MED28: variants seen among roughly 807,000 people sequenced by gnomAD.
The protein encoded by MED28 is mediator complex subunit 28.
MED28 carries 26 observed loss-of-function variants against 21.3 expected under a neutral mutation model. That is an observed-to-expected ratio of 1.22 (90% CI 0.89 to 1.69). MED28 has a LOEUF of 1.69. Ranked by LOEUF, MED28 falls within the 40% of genes most tolerant of loss-of-function variation. The pLI, the probability that MED28 is intolerant of heterozygous loss-of-function variation, is 0.00. For synonymous variants in MED28, 110 were observed against 87.6 expected (o/e 1.26, Z -1.43); for missense variants, 257 against 215.4 (o/e 1.19, Z -1.21).
chr4:17,628,280 G>GTGTGTGTGTGTA lies in MED28; in HGVS notation c.*4488_*4499dup, dbSNP rs1459853511. The GTGTGTGTGTGTA allele has an allele frequency of 6.6e-6, 1 of 151,348 alleles. No individual in the cohort carries two copies. Among genetic ancestry groups the GTGTGTGTGTGTA allele is most frequent in the African/African-American group, 2.5e-5 (1 of 40,684 alleles). 9.4% of individuals were successfully genotyped at this position (151,348 alleles called of 1,614,324 possible). The stretch of plus-strand genomic sequence containing the variant: ...CGTGTGTGTGTGTGTGTGTGTGTGT[G>GTGTGTGTGTGTA]TGTGTGTGTGTATGTGTATATGCGT... On this transcript the variant is annotated 3_prime_UTR_variant, in exon 4 of 4. Transcript: ENST00000237380.
At position 17,631,911 on chromosome 4, in the gene MED28, G is replaced by A. The variant is rs1428528515; in HGVS notation, c.*8113G>A. On this transcript the variant is annotated 3_prime_UTR_variant, in exon 4 of 4. Coordinates refer to ENST00000237380, the MANE Select transcript of MED28 (RefSeq NM_025205.5). ...ACAACCACTTTTGAAATAGATCATGGAAATCACAAAGTCTGATGTTCCACA... is the reference window on the plus strand; with the variant it reads ...ACAACCACTTTTGAAATAGATCATGAAAATCACAAAGTCTGATGTTCCACA... 6.6e-6 allele frequency: 1 copy of A among 152,086 alleles called. No homozygotes were observed. Among genetic ancestry groups the A allele is most frequent in the Non-Finnish European group, 1.5e-5 (1 of 68,030 alleles). 9.4% of individuals were successfully genotyped at this position (152,086 alleles called of 1,614,324 possible).
chr4:17,614,696 C>T lies in MED28; in HGVS notation c.42C>T (p.Pro14=), dbSNP rs377722370. ...PLGGMFSGQP[P]GPPQAPPGLP... ...GGGGTATGTTTTCTGGGCAGCCACC[C>T]GGTCCCCCTCAGGCCCCGCCGGGCC... The change falls in exon 1 of 4, where the codon CCC becomes CCT. Residue 14 remains proline (P), a synonymous_variant. Coordinates refer to ENST00000237380, the MANE Select transcript of MED28 (RefSeq NM_025205.5). The T allele has an allele frequency of 3.4e-5, 55 of 1,614,024 alleles. No homozygotes were observed. The highest frequency in any genetic ancestry group is 4.5e-5 in the East Asian group (2 of 44,886).
rs1435293014 is a variant in MED28 at position 17,626,681 on chromosome 4, T to G, written c.*2883T>G. 6.6e-6 allele frequency: 1 copy of G among 152,250 alleles called. No individual in the cohort carries two copies. Among genetic ancestry groups the G allele is most frequent in the Non-Finnish European group, 1.5e-5 (1 of 68,138 alleles). The allele number at this position is 152,250 out of a possible 1,614,324, so 9.4% of individuals were successfully genotyped here. On this transcript the variant is annotated 3_prime_UTR_variant, in exon 4 of 4. Coordinates refer to ENST00000237380, the MANE Select transcript of MED28 (RefSeq NM_025205.5). ...CTACTCACATCTTCAGGACAGCCTTTTTTTTTTGAGACAGGAGTCTTGCTC... is the reference window on the plus strand; with the variant it reads ...CTACTCACATCTTCAGGACAGCCTTGTTTTTTTGAGACAGGAGTCTTGCTC...
Position 17,632,509 on chromosome 4 carries a change from T to C in MED28, c.*8711T>C. On this transcript the variant is annotated 3_prime_UTR_variant, in exon 4 of 4. Transcript: ENST00000237380. ...AAATAAATGTTTTTCAAGTATCCTC[T>C]GTGATGTATCCCAAAGGTTAGCTTA... 1 of 1,513,946 alleles carries C rather than the reference T, an allele frequency of 6.6e-7. No individual in the cohort carries two copies. The highest frequency in any genetic ancestry group is 1.2e-5 in the South Asian group (1 of 82,696). The allele number at this position is 1,513,946 out of a possible 1,614,324, so 93.8% of individuals were successfully genotyped here. A position where few individuals can be genotyped will look rare whatever the true frequency, so the allele number is the denominator to read the frequency against.
intron 1 of MED28, among the ~76,000 whole-genome samples, chr4:17,616,474 T>G (rs1714455261): frequency 6.6e-6 from 1 of 152,236 alleles, no homozygotes; most frequent in Admixed American, 6.5e-5. Context: ...CTTAAAAACG[T>G]ACAGTGGCTG....
chr4:17,623,892 T>C lies in MED28; in HGVS notation c.*94T>C. On this transcript the variant is annotated 3_prime_UTR_variant, in exon 4 of 4. Transcript: ENST00000237380. The stretch of plus-strand genomic sequence containing the variant: ...GGACTTGACATTTTGGAAGAACTCT[T>C]TGCCAGATAATGAGTTCATTTTAGT... 7.2e-7 allele frequency: 1 copy of C among 1,388,002 alleles called. No individual in the cohort carries two copies. 86.0% of individuals were successfully genotyped at this position (1,388,002 alleles called of 1,614,324 possible).
intron 1 of MED28, 54 bp downstream of exon 1, chr4:17,614,867 T>A: frequency 6.5e-7 from 1 of 1,536,404 alleles, no homozygotes; most frequent in Non-Finnish European, 8.8e-7. Flanking sequence ...TTCTGAAACG[T>A]GAACTGCGCG....
At chr4:17,618,705 A>G (rs910296265) in intron 1 of MED28, among the ~76,000 whole-genome samples, 1 of 151,928 alleles carries the variant, frequency 6.6e-6, no homozygotes, top group Non-Finnish European at 1.5e-5. Context: ...TTTATTAGAG[A>G]TGGGGCTTCA....
At chr4:17,618,250 C>T (rs532289941) in intron 1 of MED28, among the ~76,000 whole-genome samples, 1 of 152,170 alleles carries the variant, frequency 6.6e-6, no homozygotes, top group East Asian at 1.9e-4. Flanking sequence ...CTGAAGTGAT[C>T]CACCCATCTT....
chr4:17,615,271 C>T lies in MED28; in HGVS notation c.159+458C>T, dbSNP rs1254945927. ...TTAAGTTACCAGGCGCAGCTTGGTA[C>T]TAAGAGCTGAGGAAGGAGGAATGCT... On this transcript the variant is annotated intron_variant, in intron 1 of 3. Transcript: ENST00000237380. Among the ~76,000 whole-genome samples, 4 of 152,110 alleles carry T rather than the reference C, an allele frequency of 2.6e-5. No individual in the cohort carries two copies. The East Asian group carries it at 7.7e-4, about 29-fold the overall frequency.
In MED28 at chr4:17,628,370, C is replaced by T. The variant is rs764985240; in HGVS notation, c.*4572C>T. 1.2e-4 allele frequency: 18 copies of T among 150,090 alleles called. No individual in the cohort carries two copies. The highest frequency in any genetic ancestry group is 2.1e-4 in the Non-Finnish European group (14 of 67,634). 9.3% of individuals were successfully genotyped at this position (150,090 alleles called of 1,614,324 possible). On this transcript the variant is annotated 3_prime_UTR_variant, in exon 4 of 4. Coordinates refer to ENST00000237380, the MANE Select transcript of MED28 (RefSeq NM_025205.5). ...TGTATATATATATATGCAATTATAC[C>T]TTTATCCCTACTCTAGTCCACCTTC...
Position 17,633,676 on chromosome 4 carries a change from A to C in MED28, c.*9878A>C. On this transcript the variant is annotated 3_prime_UTR_variant, in exon 4 of 4. Transcript: ENST00000237380. ...AATAGAATAAGGGCCCCTGTCCCCAACATCCCCCAAACCTTGTGGCAGTTT... is the reference window on the plus strand; with the variant it reads ...AATAGAATAAGGGCCCCTGTCCCCACCATCCCCCAAACCTTGTGGCAGTTT... 6.7e-7 allele frequency: 1 copy of C among 1,500,588 alleles called. No homozygotes were observed. The highest frequency in any genetic ancestry group is 8.9e-7 in the Non-Finnish European group (1 of 1,119,898). 93.0% of individuals were successfully genotyped at this position (1,500,588 alleles called of 1,614,324 possible).
intron 1 of MED28, among the ~76,000 whole-genome samples, chr4:17,618,741 G>A (rs563363403): frequency 8.2e-5 from 2 of 24,346 alleles, no homozygotes; most frequent in South Asian, 2.2e-3. Context: ...TGGTGACTTC[G>A]TGGATCTGCC....
chr4:17,618,962 TG>T (rs1171153234), intron 1 of MED28, among the ~76,000 whole-genome samples: 6 of 152,232 alleles, frequency 3.9e-5, no homozygotes, highest in African/African-American at 1.2e-4. Context: ...GGCCCTCACA[TG>T]TAGGTAATGT....
chr4:17,621,367 CTTT>C (rs965607198), intron 2 of MED28, among the ~76,000 whole-genome samples: 1 of 146,346 alleles, frequency 6.8e-6, no homozygotes, highest in Non-Finnish European at 1.5e-5. Context: ...ATATCTCTCT[CTTT>C]TTTTTTTTAA....
intron 1 of MED28, among the ~76,000 whole-genome samples, chr4:17,617,553 A>G (rs111665875): frequency 0.017 from 2,533 of 152,344 alleles, 34 homozygotes; most frequent in Non-Finnish European, 0.027. Flanking sequence ...GTTTGTGGAA[A>G]TGAGGACAAG....
rs1015956795 is a variant in MED28 at position 17,627,468 on chromosome 4, G to A, written c.*3670G>A. ...TTCCTCTTTTCTCCTCCACCCAAAT[G>A]TCTTAACTGTTAACATTCCCAGGTG... On this transcript the variant is annotated 3_prime_UTR_variant, in exon 4 of 4. Transcript: ENST00000237380. 3 of 150,014 alleles carry A rather than the reference G, an allele frequency of 2.0e-5. No homozygotes were observed. The highest frequency in any genetic ancestry group is 7.6e-5 in the African/African-American group (3 of 39,426). 9.3% of individuals were successfully genotyped at this position (150,014 alleles called of 1,614,324 possible). A position where few individuals can be genotyped will look rare whatever the true frequency, so the allele number is the denominator to read the frequency against.
rs1348636376 is a variant in MED28 at position 17,625,624 on chromosome 4, A to C, written c.*1826A>C. ...ATTAAATTCAGAAGTTTTTTTGCCA[A>C]ATAACAATTTTTCAATCTTCTCTGT... On this transcript the variant is annotated 3_prime_UTR_variant, in exon 4 of 4. Coordinates refer to ENST00000237380, the MANE Select transcript of MED28 (RefSeq NM_025205.5). 2 of 440,060 alleles carry C rather than the reference A, an allele frequency of 4.5e-6. No individual in the cohort carries two copies. Among genetic ancestry groups the C allele is most frequent in the South Asian group, 3.2e-5 (2 of 61,546 alleles). The allele number at this position is 440,060 out of a possible 1,614,324, so 27.3% of individuals were successfully genotyped here.
chr4:17,618,013 CTTT>C (rs529883796), intron 1 of MED28, among the ~76,000 whole-genome samples: 4 of 117,914 alleles, frequency 3.4e-5, no homozygotes, highest in African/African-American at 6.2e-5. Context: ...CTTTTCTTTT[CTTT>C]TTTTTTTTTT....
Sources: allele counts gnomAD v4.1 joint callset (sites outside exome capture counted in the v4.1 genomes callset), GRCh38; gene constraint gnomAD v4.1.1; transcripts MANE v1.5; gene names NCBI Gene and HGNC (gene_info 2026-07-23, HGNC 2026-07-21).